Variants in MAGI1 observed in about 807,000 individuals in gnomAD.
The protein encoded by MAGI1 is membrane associated guanylate kinase, WW and PDZ domain containing 1.
In MAGI1, 58 loss-of-function variants were observed where a neutral mutation model predicts 139.9. The ratio of observed to expected loss-of-function variants is 0.41; its 90% CI spans 0.34 to 0.52. The LOEUF is 0.52. MAGI1 is among the 20% of genes least tolerant of loss of function. MAGI1 has a pLI of 0.12. For synonymous variants in MAGI1, 812 were observed against 737.9 expected (o/e 1.10, Z -1.63); for missense variants, 1,874 against 1,901.6 (o/e 0.99, Z 0.27).
chr3:65,988,352 A>G (rs1447580090), intron 1 of MAGI1, among the ~76,000 whole-genome samples: 1 of 152,218 alleles, frequency 6.6e-6, no homozygotes, highest in Non-Finnish European at 1.5e-5. Context: ...GACTGGCCCC[A>G]GTGAAGGGGG....
chr3:65,848,934 T>C (rs1160742301), intron 1 of MAGI1, among the ~76,000 whole-genome samples: 2 of 149,114 alleles, frequency 1.3e-5, no homozygotes, highest in Non-Finnish European at 1.5e-5. Flanking sequence ...GTGAGTTGTA[T>C]GCAAAATGAA....
intron 1 of MAGI1, among the ~76,000 whole-genome samples, chr3:65,631,667 A>G (rs1440261601): frequency 6.6e-6 from 1 of 152,210 alleles, no homozygotes; most frequent in Non-Finnish European, 1.5e-5. Context: ...TTTATTTTAA[A>G]TAGCTCCAAA....
intron 1 of MAGI1, among the ~76,000 whole-genome samples, chr3:66,012,720 C>T (rs564803910): frequency 3.4e-5 from 5 of 148,434 alleles, no homozygotes; most frequent in South Asian, 2.1e-4. Flanking sequence ...AAGCCAAGAT[C>T]GTGCTACTGC....
chr3:65,707,926 G>A (rs918216864), intron 1 of MAGI1, among the ~76,000 whole-genome samples: 1 of 152,158 alleles, frequency 6.6e-6, no homozygotes, highest in Non-Finnish European at 1.5e-5. Flanking sequence ...ACCTGCGGCT[G>A]TAACTGTGTG....
chr3:65,854,173 G>GT (rs1214085982), intron 1 of MAGI1, among the ~76,000 whole-genome samples: 1 of 118,212 alleles, frequency 8.5e-6, no homozygotes, highest in Non-Finnish European at 1.7e-5. Context: ...TTATTTAAAG[G>GT]TTTAAAAAAA....
intron 3 of MAGI1, among the ~76,000 whole-genome samples, chr3:65,479,105 A>G (rs1055239613): frequency 3.9e-5 from 6 of 152,216 alleles, no homozygotes; most frequent in African/African-American, 1.4e-4. Flanking sequence ...TCAATTGGTC[A>G]TCTTTTTACA....
chr3:65,361,487 T>C (rs1231414685), intron 21 of MAGI1, 150 bp from the exon 22 acceptor site: 1 of 691,544 alleles, frequency 1.4e-6, no homozygotes, highest in East Asian at 2.7e-5. Flanking sequence ...GATTATATTC[T>C]AAAGAGGGAA....
intron 12 of MAGI1, among the ~76,000 whole-genome samples, chr3:65,426,129 T>C (rs1445333036): frequency 6.6e-6 from 1 of 151,804 alleles, no homozygotes; most frequent in Non-Finnish European, 1.5e-5. Flanking sequence ...AAAACCTGAG[T>C]GATCGACTGG....
At chr3:65,569,003 G>A (rs1194176400) in intron 2 of MAGI1, among the ~76,000 whole-genome samples, 1 of 152,186 alleles carries the variant, frequency 6.6e-6, no homozygotes, top group Non-Finnish European at 1.5e-5. Context: ...GGCTCACACA[G>A]TACTTTAAAT....
At chr3:65,930,200 C>G (rs62243762) in intron 1 of MAGI1, among the ~76,000 whole-genome samples, 34,003 of 150,322 alleles carry the variant, frequency 0.23, 4,905 homozygotes, top group Non-Finnish European at 0.31. Flanking sequence ...CCTGTAGTCC[C>G]GGCTACTCAG....
At chr3:65,464,790 G>A (rs1373540641) in intron 5 of MAGI1, among the ~76,000 whole-genome samples, 1 of 151,818 alleles carries the variant, frequency 6.6e-6, no homozygotes, top group Non-Finnish European at 1.5e-5. Context: ...TAGGGCTTAA[G>A]TCTTCCATTT....
At chr3:65,856,946 G>A (rs907741260) in intron 1 of MAGI1, among the ~76,000 whole-genome samples, 1 of 152,176 alleles carries the variant, frequency 6.6e-6, no homozygotes, top group Non-Finnish European at 1.5e-5. Context: ...TGACATATTA[G>A]AAACTGTCAA....
chr3:65,750,288 T>C (rs554143251), intron 1 of MAGI1, among the ~76,000 whole-genome samples: 19 of 152,034 alleles, frequency 1.2e-4, no homozygotes, highest in African/African-American at 3.6e-4. Context: ...GATGAGGAGG[T>C]TGGGAAAACG....
At chr3:65,697,076 T>C (rs1281674019) in intron 1 of MAGI1, among the ~76,000 whole-genome samples, 1 of 151,960 alleles carries the variant, frequency 6.6e-6, no homozygotes, top group Non-Finnish European at 1.5e-5. Context: ...CAAACTACCA[T>C]CAGAGAATAC....
intron 2 of MAGI1, among the ~76,000 whole-genome samples, chr3:65,507,517 C>A (rs1306163670): frequency 6.6e-6 from 1 of 152,190 alleles, no homozygotes. Flanking sequence ...TTGTTCGTAA[C>A]ATGCTTATGT....
intron 1 of MAGI1, among the ~76,000 whole-genome samples, chr3:65,899,281 G>A (rs949052075): frequency 1.3e-5 from 2 of 152,092 alleles, no homozygotes; most frequent in Admixed American, 1.3e-4. Context: ...CATTCACAGT[G>A]GAAAAAGTAA....
chr3:65,716,170 A>G (rs2032219904), intron 1 of MAGI1, among the ~76,000 whole-genome samples: 1 of 152,180 alleles, frequency 6.6e-6, no homozygotes, highest in African/African-American at 2.4e-5. Context: ...TCTTCTTAGG[A>G]CTGAGACACT....
chr3:65,696,690 T>C (rs2107591849), intron 1 of MAGI1, among the ~76,000 whole-genome samples: 1 of 152,034 alleles, frequency 6.6e-6, no homozygotes, highest in Non-Finnish European at 1.5e-5. Context: ...TAAAATAAAA[T>C]AAAATATACA....
At chr3:65,363,325 G>T in intron 21 of MAGI1, 140 bp downstream of exon 21, 1 of 1,004,248 alleles carries the variant, frequency 1.0e-6, no homozygotes, top group Non-Finnish European at 1.4e-6. Context: ...ATTTGGTAGG[G>T]TAGGAGTCAT....
Sources: allele counts gnomAD v4.1 joint callset (sites outside exome capture counted in the v4.1 genomes callset), GRCh38; gene constraint gnomAD v4.1.1; transcripts MANE v1.5; gene names NCBI Gene and HGNC (gene_info 2026-07-23, HGNC 2026-07-21).